The following CHD1L variants were observed in gnomAD, a reference collection of about 807,000 sequenced individuals.
CHD1L encodes ATP-dependent chromatin remodeler CHD1L.
In CHD1L, 118 loss-of-function variants were observed where a neutral mutation model predicts 115.9. The ratio of observed to expected loss-of-function variants is 1.02; its 90% CI spans 0.88 to 1.19. The LOEUF is 1.19. CHD1L is among the 50% of genes most tolerant of loss of function. The probability of loss-of-function intolerance (pLI) is 0.00; values close to 1 mark genes in which losing one functional copy is unlikely to be tolerated. For synonymous variants in CHD1L, 411 were observed against 387.1 expected (o/e 1.06, Z -0.72); for missense variants, 1,179 against 1,065.3 (o/e 1.11, Z -1.49).
intron 16 of CHD1L, among the ~76,000 whole-genome samples, chr1:147,284,913 T>A (rs1424189489): frequency 6.6e-6 from 1 of 152,218 alleles, no homozygotes; most frequent in East Asian, 1.9e-4. Flanking sequence ...ATCACTAAGA[T>A]AATCATGATG....
At chr1:147,275,492 T>G (rs1210044681) in intron 13 of CHD1L, 24 bp downstream of exon 13, 1 of 1,567,860 alleles carries the variant, frequency 6.4e-7, no homozygotes, top group African/African-American at 1.4e-5. Flanking sequence ...TTCTGCTTCC[T>G]TGGCTTGCCC....
At chr1:147,206,364 C>A in the CHD1L span, among the ~76,000 whole-genome samples, 1 of 151,892 alleles carries the variant, frequency 6.6e-6, no homozygotes, top group South Asian at 2.1e-4. Flanking sequence ...TGTGGCGATT[C>A]CTCAAAAAGA....
chr1:147,222,169 A>G, the CHD1L span, among the ~76,000 whole-genome samples: 2 of 152,316 alleles, frequency 1.3e-5, no homozygotes, highest in East Asian at 3.9e-4. Context: ...GAGGAGTTCG[A>G]GAATAGCCTG....
At chr1:147,238,924 C>T (rs1044931232), upstream of CHD1L, among the ~76,000 whole-genome samples, 2 of 152,166 alleles carry the variant, frequency 1.3e-5, no homozygotes, top group Admixed American at 6.5e-5. Context: ...CATCTTGGCT[C>T]TTTCACTGGC....
At chr1:147,180,614 T>G in the CHD1L span, among the ~76,000 whole-genome samples, 1 of 152,190 alleles carries the variant, frequency 6.6e-6, no homozygotes, top group African/African-American at 2.4e-5. Flanking sequence ...AAAATAAGTT[T>G]ATTTAAAATT....
the CHD1L span, among the ~76,000 whole-genome samples, chr1:147,206,128 A>G: frequency 1.3e-5 from 2 of 150,708 alleles, no homozygotes; most frequent in Admixed American, 1.3e-4. Context: ...ACACTTCTCA[A>G]AAGAAGACAT....
At chr1:147,232,775 G>A in the CHD1L span, among the ~76,000 whole-genome samples, 1 of 152,230 alleles carries the variant, frequency 6.6e-6, no homozygotes, top group African/African-American at 2.4e-5. Flanking sequence ...TGCCGGGATT[G>A]CAGATGGTGT....
At chr1:147,182,542 C>A in the CHD1L span, among the ~76,000 whole-genome samples, 1 of 152,302 alleles carries the variant, frequency 6.6e-6, no homozygotes, top group South Asian at 2.1e-4. Flanking sequence ...GTAGCTGAAG[C>A]TAATCCTGAC....
At chr1:147,271,037 G>T (rs1676002982) in intron 11 of CHD1L, 32 bp downstream of exon 11, 5 of 1,557,352 alleles carry the variant, frequency 3.2e-6, no homozygotes, top group Non-Finnish European at 4.4e-6. Context: ...ATTACCTAAG[G>T]CTCTGTTAGA....
chr1:147,267,317 AG>A (rs1674318053), intron 8 of CHD1L, 108 bp from the exon 9 acceptor site: 1 of 703,184 alleles, frequency 1.4e-6, no homozygotes, highest in African/African-American at 1.8e-5. Context: ...ATAGGTTCAA[AG>A]GATATAATTG....
intron 15 of CHD1L, among the ~76,000 whole-genome samples, chr1:147,281,813 T>C (rs1680988915): frequency 6.6e-6 from 1 of 151,966 alleles, no homozygotes; most frequent in Non-Finnish European, 1.5e-5. Context: ...ATATATTTAT[T>C]TATTTATTGA....
At chr1:147,204,802 C>T in the CHD1L span, 48,789 of 1,599,242 alleles carry the variant, frequency 0.031, 1,125 homozygotes, top group South Asian at 0.089. Context: ...ATATGCTGTA[C>T]GAGTGGTTTG....
chr1:147,257,138 A>G (rs1380303527), intron 5 of CHD1L, among the ~76,000 whole-genome samples: 3 of 152,218 alleles, frequency 2.0e-5, no homozygotes, highest in Admixed American at 6.5e-5. Context: ...TAACAGTTAC[A>G]ATGCAGATTA....
At chr1:147,181,354 G>A in the CHD1L span, among the ~76,000 whole-genome samples, 1 of 152,162 alleles carries the variant, frequency 6.6e-6, no homozygotes, top group Non-Finnish European at 1.5e-5. Flanking sequence ...TCTTCTGGGA[G>A]TCTGGAATTC....
chr1:147,293,821 T>C, intron 21 of CHD1L, 99 bp downstream of exon 21: 1 of 958,734 alleles, frequency 1.0e-6, no homozygotes, highest in Non-Finnish European at 1.6e-6. Flanking sequence ...TCCCACTTAA[T>C]ATGCACGGTA....
chr1:147,201,795 T>TA, the CHD1L span, among the ~76,000 whole-genome samples: 2 of 152,170 alleles, frequency 1.3e-5, no homozygotes, highest in Non-Finnish European at 2.9e-5. Context: ...CTGTGTGTGA[T>TA]ATGATAAGGC....
chr1:147,181,177 G>A, the CHD1L span, among the ~76,000 whole-genome samples: 2 of 152,190 alleles, frequency 1.3e-5, no homozygotes, highest in Non-Finnish European at 2.9e-5. Flanking sequence ...CAAGGAATTA[G>A]AGCACAACTC....
At chr1:147,285,574 T>C in intron 17 of CHD1L, 87 bp downstream of exon 17, 4 of 1,369,438 alleles carry the variant, frequency 2.9e-6, no homozygotes, top group Non-Finnish European at 3.9e-6. Flanking sequence ...ACTTTAAAAA[T>C]ACAGAAAATT....
At chr1:147,242,893 G>GC (rs1665191647) in intron 1 of CHD1L, 63 bp downstream of exon 1, 14 of 1,241,274 alleles carry the variant, frequency 1.1e-5, no homozygotes, top group Non-Finnish European at 1.3e-5. Context: ...CCTCTTGCGG[G>GC]CCGGGGGCGC....
Sources: gnomAD v4.1 joint callset for allele counts (sites outside exome capture counted in the v4.1 genomes callset) on GRCh38, gnomAD v4.1.1 for gene constraint, MANE v1.5 for transcripts, NCBI Gene and HGNC (gene_info 2026-07-23, HGNC 2026-07-21) for gene names.